Variants in PDE4D observed in about 807,000 individuals in gnomAD.
The protein encoded by PDE4D is phosphodiesterase 4D.
A neutral mutation model predicts 87.4 loss-of-function variants in PDE4D; 24 were observed. That is an observed-to-expected ratio of 0.27 (90% CI 0.20 to 0.39). The LOEUF (loss-of-function observed/expected upper bound fraction) is 0.39, where lower values mean the gene tolerates loss of function less well. Ranked by LOEUF, PDE4D falls within the 10% of genes least tolerant of loss-of-function variation. The pLI is 1.00. For synonymous variants in PDE4D, 384 were observed against 383.2 expected (o/e 1.00, Z -0.02); for missense variants, 714 against 1,041.0 (o/e 0.69, Z 4.32).
intron 1 of PDE4D, among the ~76,000 whole-genome samples, chr5:60,304,726 T>C (rs1203574414): frequency 6.7e-6 from 1 of 150,024 alleles, no homozygotes; most frequent in East Asian, 2.0e-4. Flanking sequence ...TCCTGATAGG[T>C]TGAGAATTAC....
chr5:60,291,113 T>C (rs915017806), intron 1 of PDE4D, among the ~76,000 whole-genome samples: 1 of 152,214 alleles, frequency 6.6e-6, no homozygotes, highest in Non-Finnish European at 1.5e-5. Flanking sequence ...AGCAATGACC[T>C]GGACACTGAT....
Position 60,270,172 on chromosome 5 carries a change from T to A in PDE4D, c.-89-84485A>T, listed in dbSNP as rs541026562. Among the ~76,000 whole-genome samples the A allele has an allele frequency of 3.9e-5, 6 of 152,212 alleles. No homozygotes were observed. In the South Asian group the frequency reaches 1.2e-3, roughly 32 times the overall value. On this transcript the variant is annotated intron_variant, in intron 1 of 16. Coordinates refer to the PDE4D transcript ENST00000502484. ...GGGAAAGAGATAGGAAGGTGAAGAG[T>A]CATTTCTAGAAGGTCACTGCAAGAA...
At chr5:60,289,688 G>C (rs1481783093) in intron 1 of PDE4D, among the ~76,000 whole-genome samples, 1 of 152,144 alleles carries the variant, frequency 6.6e-6, no homozygotes, top group Non-Finnish European at 1.5e-5. Context: ...AGACAATGTA[G>C]CAATTATGGC....
At chr5:60,415,207 T>C (rs193287083) in intron 1 of PDE4D, among the ~76,000 whole-genome samples, 2 of 152,246 alleles carry the variant, frequency 1.3e-5, no homozygotes, top group Admixed American at 6.5e-5. Flanking sequence ...TTCTAGCCAA[T>C]AGAATGTGAA....
At chr5:59,142,825 G>A (rs750812268) in intron 5 of PDE4D, among the ~76,000 whole-genome samples, 6 of 152,296 alleles carry the variant, frequency 3.9e-5, no homozygotes, top group Non-Finnish European at 7.4e-5. Flanking sequence ...GCTGAGGCAG[G>A]AGAATCGCTT....
rs573612869 is a variant in PDE4D at position 59,906,297 on chromosome 5, G to A, written c.272+82191C>T. On this transcript the variant is annotated intron_variant, in intron 3 of 16. Coordinates refer to the PDE4D transcript ENST00000502484. The stretch of plus-strand genomic sequence containing the variant: ...GTCAGGTTCCTATCTATTTTTAATC[G>A]AGAACCTATTTCTCTAGGAAACTAT... Among the ~76,000 whole-genome samples, 115 of 152,108 alleles carry A rather than the reference G, an allele frequency of 7.6e-4. 1 individual carries two copies. In the South Asian group the frequency reaches 0.017, roughly 22 times the overall value.
rs149111507 is a variant in PDE4D at position 60,127,157 on chromosome 5, G to A, written c.42+58400C>T. ...ATGAGAAAGTGCCCTGAGGCACTGG[G>A]TGGAAAGTCGGTGTACAAGAAGCTG... is the stretch of plus-strand genomic sequence containing the variant. On this transcript the variant is annotated intron_variant, in intron 2 of 16. Transcript: ENST00000502484. 2.4e-4 allele frequency among the ~76,000 whole-genome samples: 37 copies of A among 152,288 alleles called. No homozygotes were observed. In the East Asian group the frequency reaches 6.9e-3, roughly 29 times the overall value.
chr5:60,255,231 T>C (rs755369006), intron 1 of PDE4D, among the ~76,000 whole-genome samples: 2 of 151,924 alleles, frequency 1.3e-5, no homozygotes, highest in African/African-American at 2.4e-5. Flanking sequence ...ACACTGATGT[T>C]TGTCAAAGGA....
In PDE4D at chr5:59,157,237, C is replaced by T. The variant is rs146730900; in HGVS notation, c.808+23358G>A. On this transcript the variant is annotated intron_variant, in intron 5 of 14. Transcript: ENST00000340635. Reference sequence around the variant, plus strand: ...GTTAAAACTGAAGCCTAGTAAATCACTTGTATTGCATTGTTTTCAAAGTGA... The same window carrying T: ...GTTAAAACTGAAGCCTAGTAAATCATTTGTATTGCATTGTTTTCAAAGTGA... 8.8e-3 allele frequency: 6,139 copies of T among 695,560 alleles called. 68 individuals carry two copies. The highest frequency in any genetic ancestry group is 0.023 in the East Asian group (838 of 37,120). 43.1% of individuals were successfully genotyped at this position (695,560 alleles called of 1,614,324 possible). A position where few individuals can be genotyped will look rare whatever the true frequency, so the allele number is the denominator to read the frequency against.
intron 1 of PDE4D, among the ~76,000 whole-genome samples, chr5:59,785,291 C>A (rs1288674640): frequency 6.6e-6 from 1 of 152,124 alleles, no homozygotes; most frequent in East Asian, 1.9e-4. Context: ...TTGAGTAAAC[C>A]TAGCTTTCAT....
At chr5:60,219,735 T>C (rs765809802) in intron 1 of PDE4D, among the ~76,000 whole-genome samples, 4 of 152,170 alleles carry the variant, frequency 2.6e-5, no homozygotes, top group South Asian at 2.1e-4. Flanking sequence ...GGCCGGGACC[T>C]TAGATATGGC....
intron 1 of PDE4D, among the ~76,000 whole-genome samples, chr5:59,330,113 T>G (rs1776439517): frequency 6.6e-6 from 1 of 152,114 alleles, no homozygotes; most frequent in Non-Finnish European, 1.5e-5. Flanking sequence ...TCACGTTAAT[T>G]AATGAATGAT....
At chr5:60,092,029 C>T (rs1450696442) in intron 2 of PDE4D, among the ~76,000 whole-genome samples, 10 of 115,258 alleles carry the variant, frequency 8.7e-5, no homozygotes, top group South Asian at 8.3e-4. Context: ...CCAGCCTGGG[C>T]GACAGAGCGA....
At chr5:59,404,678 A>T (rs1300083170) in intron 1 of PDE4D, among the ~76,000 whole-genome samples, 1 of 151,530 alleles carries the variant, frequency 6.6e-6, no homozygotes, top group Admixed American at 6.6e-5. Context: ...AAAAAAAAAA[A>T]AAATCTTTGC....
intron 3 of PDE4D, among the ~76,000 whole-genome samples, chr5:59,943,054 G>A (rs1757348609): frequency 6.6e-6 from 1 of 152,124 alleles, no homozygotes; most frequent in Non-Finnish European, 1.5e-5. Context: ...AGGGAAATAA[G>A]TGGTTGAAGG....
intron 1 of PDE4D, among the ~76,000 whole-genome samples, chr5:59,335,915 T>C (rs1427828345): frequency 6.6e-6 from 1 of 152,186 alleles, no homozygotes; most frequent in African/African-American, 2.4e-5. Flanking sequence ...TTTGTAATTT[T>C]GCAAAAAATG....
chr5:60,465,885 A>G (rs1431526773), intron 1 of PDE4D, among the ~76,000 whole-genome samples: 1 of 151,604 alleles, frequency 6.6e-6, no homozygotes, highest in Non-Finnish European at 1.5e-5. Context: ...TGAAAGTGAA[A>G]AAAAAAAAAA....
intron 1 of PDE4D, among the ~76,000 whole-genome samples, chr5:59,260,884 A>G (rs1308150340): frequency 6.6e-6 from 1 of 151,120 alleles, no homozygotes; most frequent in Non-Finnish European, 1.5e-5. Flanking sequence ...GTTTTTCCCG[A>G]TTACTGGCTA....
At chr5:59,338,817 C>G (rs1238878987) in intron 1 of PDE4D, among the ~76,000 whole-genome samples, 2 of 152,182 alleles carry the variant, frequency 1.3e-5, no homozygotes, top group Non-Finnish European at 2.9e-5. Context: ...AAATTTCCCA[C>G]TGCTATAGCA....
Sources: gnomAD v4.1 joint callset for allele counts (sites outside exome capture counted in the v4.1 genomes callset) on GRCh38, gnomAD v4.1.1 for gene constraint, MANE v1.5 for transcripts, NCBI Gene and HGNC (gene_info 2026-07-23, HGNC 2026-07-21) for gene names.